The following DHRS7B variants were observed in gnomAD, a reference collection of about 807,000 sequenced individuals.
DHRS7B encodes the protein peroxisomal reductase activating PPAR-gamma.
In DHRS7B, 24 loss-of-function variants were observed where a neutral mutation model predicts 26.4. The observed-to-expected ratio is 0.91, with a 90% CI of 0.66 to 1.28. The LOEUF (loss-of-function observed/expected upper bound fraction) is 1.28. Among genes scored for constraint, DHRS7B ranks in the 50% most tolerant of loss-of-function variants. DHRS7B has a pLI of 0.00. For synonymous variants in DHRS7B, 142 were observed against 166.4 expected (o/e 0.85, Z 1.13); for missense variants, 368 against 419.4 (o/e 0.88, Z 1.07).
At chr17:21,188,929 C>G in intron 6 of DHRS7B, 66 bp downstream of exon 6, 3 of 1,587,782 alleles carry the variant, frequency 1.9e-6, no homozygotes, top group Non-Finnish European at 8.6e-7. Flanking sequence ...ACATGCTGCT[C>G]TTACTTCAGT....
intron 2 of DHRS7B, among the ~76,000 whole-genome samples, chr17:21,177,512 G>T (rs1281287395): frequency 2.0e-5 from 3 of 152,188 alleles, no homozygotes; most frequent in Non-Finnish European, 2.9e-5. Context: ...GGTGGAGCCT[G>T]CTTTCCTCCA....
chr17:21,147,709 C>T (rs1973672149), intron 1 of DHRS7B, among the ~76,000 whole-genome samples: 1 of 152,174 alleles, frequency 6.6e-6, no homozygotes, highest in Admixed American at 6.5e-5. Context: ...TTGTCCCTGC[C>T]TTAACCCACA....
At chr17:21,129,153 A>G (rs929146540) in intron 1 of DHRS7B, among the ~76,000 whole-genome samples, 2 of 152,236 alleles carry the variant, frequency 1.3e-5, no homozygotes, top group African/African-American at 2.4e-5. Context: ...TAGTAAATAT[A>G]TAAATAAAAC....
In DHRS7B at chr17:21,184,409, A is replaced by G. The variant is rs1326415152; in HGVS notation, c.565A>G (p.Ile189Val). 1.9e-6 allele frequency: 3 copies of G among 1,614,230 alleles called. No homozygotes were observed. The highest frequency in any genetic ancestry group is 4.5e-5 in the East Asian group (2 of 44,884). ...PSMIKRRQGH[I>V]VAISSIQGKM... ...CATGATCAAGAGGAGGCAAGGCCAC[A>G]TTGTCGCCATCAGCAGCATCCAGGG... is the stretch of plus-strand genomic sequence containing the variant. Residue 189 changes from isoleucine (I) to valine (V), a missense_variant, in exon 5 of 7, where the codon ATT becomes GTT. Physicochemically the swap from Ile to Val is conservative, Grantham distance 29. Transcript: ENST00000395511.
At chr17:21,174,680 G>A (rs572655584) in intron 2 of DHRS7B, among the ~76,000 whole-genome samples, 3 of 152,304 alleles carry the variant, frequency 2.0e-5, no homozygotes, top group East Asian at 1.9e-4. Flanking sequence ...AGACTCCAGC[G>A]GGACTCCCAC....
At chr17:21,168,888 A>G (rs572900597) in intron 1 of DHRS7B, 2 of 985,462 alleles carry the variant, frequency 2.0e-6, no homozygotes, top group Non-Finnish European at 2.4e-6. Flanking sequence ...GAAGTGTACA[A>G]GACGGTGTGT....
At chr17:21,140,263 C>T (rs903475396) in intron 1 of DHRS7B, among the ~76,000 whole-genome samples, 2 of 151,856 alleles carry the variant, frequency 1.3e-5, no homozygotes, top group Admixed American at 6.6e-5. Context: ...ACTTCGTGAT[C>T]CACCCGCCTT....
intron 6 of DHRS7B, 57 bp downstream of exon 6, chr17:21,188,920 C>T: frequency 5.0e-6 from 8 of 1,594,846 alleles, no homozygotes; most frequent in Middle Eastern, 1.7e-4. Context: ...CACAGTGAGA[C>T]ATGCTGCTCT....
intron 1 of DHRS7B, among the ~76,000 whole-genome samples, chr17:21,155,645 T>C (rs567677116): frequency 3.0e-4 from 45 of 152,348 alleles, no homozygotes; most frequent in African/African-American, 1.0e-3. Context: ...ATGTATAAAC[T>C]ACTTTGTCCA....
intron 1 of DHRS7B, among the ~76,000 whole-genome samples, chr17:21,152,144 C>T (rs1318251405): frequency 6.6e-6 from 1 of 152,168 alleles, no homozygotes; most frequent in South Asian, 2.1e-4. Context: ...TACCTAGCTT[C>T]GGGTGTTGTT....
chr17:21,160,460 A>G (rs192918991), intron 1 of DHRS7B, among the ~76,000 whole-genome samples: 1 of 152,372 alleles, frequency 6.6e-6, no homozygotes. Context: ...AGTGGCAAAT[A>G]AGCATATGAA....
chr17:21,185,287 G>A (rs1314860157), intron 5 of DHRS7B, among the ~76,000 whole-genome samples: 1 of 152,260 alleles, frequency 6.6e-6, no homozygotes, highest in Non-Finnish European at 1.5e-5. Flanking sequence ...AGCCTGGTCA[G>A]CAAAGGCAGG....
rs545230757 is a variant in DHRS7B, at chr17:21,178,928, C to T, written c.309+586C>T. On this transcript the variant is annotated intron_variant, in intron 3 of 6. Coordinates refer to ENST00000395511, the MANE Select transcript of DHRS7B (RefSeq NM_015510.5). ...TCAGCCTCCCAAAGTGCTGGGATTACAGGCGTGAGCCACCAGTACAGCCCT... is the reference window on the plus strand; with the variant it reads ...TCAGCCTCCCAAAGTGCTGGGATTATAGGCGTGAGCCACCAGTACAGCCCT... Among the ~76,000 whole-genome samples, 179 of 152,158 alleles carry T rather than the reference C, an allele frequency of 1.2e-3. 1 individual carries two copies. The highest frequency in any genetic ancestry group is 4.0e-3 in the African/African-American group (166 of 41,524).
intron 1 of DHRS7B, among the ~76,000 whole-genome samples, chr17:21,154,664 G>C (rs1973841801): frequency 6.6e-6 from 1 of 152,118 alleles, no homozygotes; most frequent in Admixed American, 6.5e-5. Flanking sequence ...ATTCCTAATT[G>C]ACCTAACAGA....
chr17:21,141,640 A>AAAGG lies in DHRS7B; in HGVS notation c.20+14649_20+14650insAAGG. ...AAAGCAAAAAAAAAAAAAAAAAAAAACAACCTCATCTCAAACTCCACAAAG... is the reference window on the plus strand; with the variant it reads ...AAAGCAAAAAAAAAAAAAAAAAAAAAAAGGCAACCTCATCTCAAACTCCACAAAG... On this transcript the variant is annotated intron_variant, in intron 1 of 6. Coordinates refer to ENST00000395511, the MANE Select transcript of DHRS7B (RefSeq NM_015510.5). Among the ~76,000 whole-genome samples, 811 of 90,022 alleles carry AAAGG rather than the reference A, an allele frequency of 9.0e-3. 48 individuals are homozygous for AAAGG. Among genetic ancestry groups the AAAGG allele is most frequent in the Non-Finnish European group, 0.014 (682 of 48,444 alleles). 59.1% of individuals were successfully genotyped at this position (90,022 alleles called of 152,430 possible).
At chr17:21,190,213 T>C (rs1295207344) in intron 6 of DHRS7B, among the ~76,000 whole-genome samples, 1 of 151,648 alleles carries the variant, frequency 6.6e-6, no homozygotes, top group Non-Finnish European at 1.5e-5. Context: ...TAGTGGCCGC[T>C]CCTGTGTGCC....
At position 21,183,684 on chromosome 17, in the gene DHRS7B, G is replaced by A. The variant is rs1974563676; in HGVS notation, c.400G>A (p.Gly134Ser). 14 of 1,614,174 alleles carry A rather than the reference G, an allele frequency of 8.7e-6. No individual in the cohort carries two copies. Among genetic ancestry groups the A allele is most frequent in the Non-Finnish European group, 1.2e-5 (14 of 1,180,030 alleles). ...AGCAGCTGAGATCCTGCAGTGCTTT[G>A]GCTATGTCGACATACTTGTCAACAA... ...AAAAEILQCF[G>S]YVDILVNNAG... The change falls in exon 4 of 7, where the codon GGC becomes AGC. Residue 134 changes from glycine (G) to serine (S), a missense_variant. Transcript: ENST00000395511.
At chr17:21,162,992 T>G (rs1974030508) in intron 1 of DHRS7B, among the ~76,000 whole-genome samples, 1 of 152,018 alleles carries the variant, frequency 6.6e-6, no homozygotes, top group South Asian at 2.1e-4. Context: ...GGTGAGGACT[T>G]CGAGACCAGC....
chr17:21,171,814 T>C (rs560581922), intron 1 of DHRS7B: 4 of 708,322 alleles, frequency 5.6e-6, no homozygotes, highest in Non-Finnish European at 1.0e-5. Context: ...TTCTGTCCGC[T>C]CATGTCAGTA....
Sources: gnomAD v4.1 joint callset for allele counts (sites outside exome capture counted in the v4.1 genomes callset) on GRCh38, gnomAD v4.1.1 for gene constraint, MANE v1.5 for transcripts, NCBI Gene and HGNC (gene_info 2026-07-23, HGNC 2026-07-21) for gene names.